Variants in DDX20 observed in about 807,000 individuals in gnomAD.
The protein encoded by DDX20 is DEAD-box helicase 20.
DDX20 carries 61 observed loss-of-function variants against 76.4 expected under a neutral mutation model. The ratio of observed to expected loss-of-function variants is 0.80; its 90% CI spans 0.65 to 0.99. The LOEUF (loss-of-function observed/expected upper bound fraction) is 0.99, where lower values mean the gene tolerates loss of function less well. Among genes scored for constraint, DDX20 ranks in the 50% least tolerant of loss-of-function variants. The probability of loss-of-function intolerance (pLI) is 0.00; values close to 1 mark genes in which losing one functional copy is unlikely to be tolerated. For missense variants in DDX20, 976 were observed against 996.8 expected, an observed-to-expected ratio of 0.98 and a Z score of 0.28; for synonymous variants, 357 against 357.4, an observed-to-expected ratio of 1.00 and a Z score of 0.01.
rs374794942 is a variant in DDX20, at chr1:111,761,190, T to G, written c.963-36T>G. On this transcript the variant is annotated intron_variant, in intron 6 of 10. Coordinates refer to ENST00000369702, the MANE Select transcript of DDX20 (RefSeq NM_007204.5). ...TAAAAGGATAGTCATGGGGCAATAT[T>G]TGTAAATTTGTAACCATTTATGTTA... 1.9e-6 allele frequency: 3 copies of G among 1,611,418 alleles called. No individual in the cohort carries two copies. The African/African-American group carries it at 4.0e-5, about 22-fold the overall frequency.
intron 10 of DDX20, among the ~76,000 whole-genome samples, chr1:111,764,411 A>G (rs140038199): frequency 6.6e-6 from 1 of 152,390 alleles, no homozygotes; most frequent in East Asian, 1.9e-4. Context: ...GAGCTAGATT[A>G]AGCACAGATC....
At chr1:111,765,288 G>T (rs2101425559) in intron 10 of DDX20, among the ~76,000 whole-genome samples, 1 of 152,286 alleles carries the variant, frequency 6.6e-6, no homozygotes, top group Non-Finnish European at 1.5e-5. Flanking sequence ...TTGGAATATT[G>T]GGTGACAGAT....
At chr1:111,765,466 C>T (rs980602122) in intron 10 of DDX20, among the ~76,000 whole-genome samples, 1 of 152,108 alleles carries the variant, frequency 6.6e-6, no homozygotes, top group Non-Finnish European at 1.5e-5. Flanking sequence ...CAGGCTTGTA[C>T]ATTACTCCTA....
chr1:111,759,147 G>A (rs1663621133), intron 2 of DDX20, among the ~76,000 whole-genome samples: 1 of 152,146 alleles, frequency 6.6e-6, no homozygotes, highest in Non-Finnish European at 1.5e-5. Flanking sequence ...TATGTGGGAG[G>A]ATGTACACAG....
intron 10 of DDX20, among the ~76,000 whole-genome samples, chr1:111,765,234 A>G (rs1663754416): frequency 1.3e-5 from 2 of 152,174 alleles, no homozygotes; most frequent in East Asian, 1.9e-4. Context: ...TTTTTCCCCT[A>G]TAGAGGTTTT....
At position 111,766,563 on chromosome 1, in the gene DDX20, A is replaced by G; in HGVS notation, c.2139A>G (p.Glu713=). ...CCCCCAATCCAGAGAAATATCAAGA[A>G]TCACCTGGAATCCAGATGAAGACAA... is the stretch of plus-strand genomic sequence containing the variant. ...SDTPNPEKYQ[E]SPGIQMKTRL... is the part of the protein sequence containing the mutation. The change falls in exon 11 of 11, where the codon GAA becomes GAG. Residue 713 remains glutamate (E), a synonymous_variant. Transcript: ENST00000369702. The G allele has an allele frequency of 6.2e-7, 1 of 1,614,188 alleles. No homozygotes were observed. The highest frequency in any genetic ancestry group is 8.5e-7 in the Non-Finnish European group (1 of 1,180,008).
At chr1:111,761,459 C>T (rs1231796474) in intron 7 of DDX20, 175 bp downstream of exon 7, 3 of 550,244 alleles carry the variant, frequency 5.5e-6, no homozygotes, top group Non-Finnish European at 9.4e-6. Context: ...TGTCAATATT[C>T]TATTTTTAAG....
At position 111,761,267 on chromosome 1, in the gene DDX20, C is replaced by T. The variant is rs372217363; in HGVS notation, c.1004C>T (p.Pro335Leu). The T allele has an allele frequency of 1.8e-5, 29 of 1,613,090 alleles. No homozygotes were observed. The highest frequency in any genetic ancestry group is 2.3e-5 in the Non-Finnish European group (27 of 1,179,540). The change falls in exon 7 of 11, where the codon CCT becomes CTT. Residue 335 changes from proline to leucine, a missense_variant. Coordinates refer to ENST00000369702, the MANE Select transcript of DDX20 (RefSeq NM_007204.5). Reference sequence around the variant, plus strand: ...GATATCCTTTCTTCTAAAGGCTTTCCTGCTGAGTGCATTTCAGGTAAGTTC... The same window carrying T: ...GATATCCTTTCTTCTAAAGGCTTTCTTGCTGAGTGCATTTCAGGTAAGTTC... ...LADILSSKGFPAECISGNMNQ... is the reference protein window; with the variant it reads ...LADILSSKGFLAECISGNMNQ...
In DDX20 at chr1:111,755,932, C is replaced by T. The variant is rs752387882; in HGVS notation, c.8C>T (p.Ala3Val). The T allele has an allele frequency of 2.5e-6, 4 of 1,572,452 alleles. No homozygotes were observed. The South Asian group carries it at 3.5e-5, about 14-fold the overall frequency. The change falls in exon 1 of 11, where the codon GCG becomes GTG. Residue 3 changes from alanine to valine, a missense_variant. This residue lies in a region of DDX20 where 343 missense variants were observed against 286.4 expected (regional missense o/e 1.20). Transcript: ENST00000369702. MA[A>V]AFEASGALAA... ...TCTGACGGCGCGGCTACCATGGCGG[C>T]GGCATTTGAAGCCTCGGGAGCCTTA... is the stretch of plus-strand genomic sequence containing the variant.
In DDX20 at chr1:111,767,263, ATAT is replaced by A. The variant is rs1557924829; in HGVS notation, c.*369_*371del. 5 of 170,864 alleles carry A rather than the reference ATAT, an allele frequency of 2.9e-5. No individual in the cohort carries two copies. Among genetic ancestry groups the A allele is most frequent in the East Asian group, 1.6e-4 (1 of 6,378 alleles). The allele number at this position is 170,864 out of a possible 1,614,324, so 10.6% of individuals were successfully genotyped here. ...ATAAAAGCAATAGATTTGATTAGTAATATTATTGCTGTGGAGTTCTTTACAAAG... is the reference window on the plus strand; with the variant it reads ...ATAAAAGCAATAGATTTGATTAGTAATATTGCTGTGGAGTTCTTTACAAAG... On this transcript the variant is annotated 3_prime_UTR_variant, in exon 11 of 11. Coordinates refer to ENST00000369702, the MANE Select transcript of DDX20 (RefSeq NM_007204.5).
At position 111,759,508 on chromosome 1, in the gene DDX20, A is replaced by AC; in HGVS notation, c.509dup (p.Leu171IlefsTer9). On this transcript the variant is annotated frameshift_variant, in exon 3 of 11. Transcript: ENST00000369702. LOFTEE classifies it high-confidence loss of function. ...AGAGTGTCATGTCTTTATTGGAGGG[A>AC]CCCCATTATCACAAGACAAAACCAG... The AC allele has an allele frequency of 6.2e-7, 1 of 1,613,914 alleles. No individual in the cohort carries two copies. The highest frequency in any genetic ancestry group is 1.7e-5 in the Admixed American group (1 of 60,006).
At position 111,755,935 on chromosome 1, in the gene DDX20, C is replaced by A. The variant is rs1663533826; in HGVS notation, c.11C>A (p.Ala4Glu). 2 of 1,574,814 alleles carry A rather than the reference C, an allele frequency of 1.3e-6. No homozygotes were observed. The highest frequency in any genetic ancestry group is 8.6e-7 in the Non-Finnish European group (1 of 1,156,092). Residue 4 changes from alanine (A) to glutamate (E), a missense_variant, in exon 1 of 11, where the codon GCA (alanine) becomes GAA (glutamate). Physicochemically the swap from Ala to Glu is moderately radical, Grantham distance 107 (BLOSUM62 -1). Coordinates refer to ENST00000369702, the MANE Select transcript of DDX20 (RefSeq NM_007204.5). ...GACGGCGCGGCTACCATGGCGGCGG[C>A]ATTTGAAGCCTCGGGAGCCTTAGCA... The part of the protein sequence containing the change: MAA[A>E]FEASGALAAV...
rs1442366771 is a variant in DDX20, at chr1:111,765,870, C to T, written c.1446C>T (p.Thr482=). Residue 482 remains threonine (T), a synonymous_variant, in exon 11 of 11, where the codon ACC becomes ACT. Coordinates refer to ENST00000369702, the MANE Select transcript of DDX20 (RefSeq NM_007204.5). ...LKKQIQKIER[T]LQIQKAHGDH... ...AGCAAATTCAGAAAATAGAGAGAACCCTTCAAATTCAGAAAGCTCATGGTG... is the reference window on the plus strand; with the variant it reads ...AGCAAATTCAGAAAATAGAGAGAACTCTTCAAATTCAGAAAGCTCATGGTG... The T allele has an allele frequency of 2.5e-6, 4 of 1,613,942 alleles. No individual in the cohort carries two copies. Among genetic ancestry groups the T allele is most frequent in the Non-Finnish European group, 2.5e-6 (3 of 1,179,984 alleles).
rs137956268 is a variant in DDX20 at position 111,762,601 on chromosome 1, G to T, written c.1105-76G>T. ...CTTAATTTGTCTCTTGACTGTACTGGAAGAATATAATATGCATTGGTATCC... is the reference window on the plus strand; with the variant it reads ...CTTAATTTGTCTCTTGACTGTACTGTAAGAATATAATATGCATTGGTATCC... On this transcript the variant is annotated intron_variant, in intron 8 of 10. Transcript: ENST00000369702. The T allele has an allele frequency of 1.1e-3, 1,369 of 1,277,042 alleles. 17 individuals are homozygous for T. The African/African-American group carries it at 0.017, about 16-fold the overall frequency. 79.1% of individuals were successfully genotyped at this position (1,277,042 alleles called of 1,614,324 possible).
At chr1:111,757,663 T>C (rs1381201310) in intron 2 of DDX20, among the ~76,000 whole-genome samples, 5 of 152,226 alleles carry the variant, frequency 3.3e-5, no homozygotes, top group African/African-American at 1.2e-4. Flanking sequence ...TTAACCCAGA[T>C]ATCCATGTTC....
At chr1:111,762,119 CAGA>C (rs1663686527) in intron 7 of DDX20, 133 bp from the exon 8 acceptor site, 1 of 611,184 alleles carries the variant, frequency 1.6e-6, no homozygotes, top group African/African-American at 1.9e-5. Context: ...TAGATTTGCA[CAGA>C]AGGACAGAAT....
rs538821511 is a variant in DDX20, at chr1:111,762,955, TATG to T, written c.1268_1270del (p.Met423del). On this transcript the variant is annotated inframe_deletion, in exon 10 of 11. Transcript: ENST00000369702. ...ACTGTTGCCGGGGAGAGGAAGAAAA[TATG>T]ATGATGAGAATTGCCCAGAAATGTA... The T allele has an allele frequency of 3.4e-3, 5,445 of 1,613,950 alleles. 19 individuals are homozygous for T. Among genetic ancestry groups the T allele is most frequent in the Non-Finnish European group, 4.1e-3 (4,804 of 1,179,924 alleles).
intron 1 of DDX20, among the ~76,000 whole-genome samples, 192 bp downstream of exon 1, chr1:111,756,417 G>A (rs914437888): frequency 1.3e-5 from 2 of 152,244 alleles, no homozygotes; most frequent in Non-Finnish European, 1.5e-5. Flanking sequence ...TGAACTTGAG[G>A]ATAGTTAAGA....
chr1:111,756,124 T>TGAAA lies in DDX20; in HGVS notation c.201_202insAAAG (p.Leu68LysfsTer41). ...GCGGAGCCGGCCGACTTCGAGTCAC[T>TGAAA]GCTGCTTTCGCGGCCGGTGCTGGAG... On this transcript the variant is annotated frameshift_variant, in exon 1 of 11. Transcript: ENST00000369702. LOFTEE classifies it high-confidence loss of function. The TGAAA allele has an allele frequency of 6.3e-7, 1 of 1,592,204 alleles. No individual in the cohort carries two copies.
Sources: allele counts gnomAD v4.1 joint callset (sites outside exome capture counted in the v4.1 genomes callset), GRCh38; gene constraint gnomAD v4.1.1; regional missense constraint gnomAD v4.1.1; transcripts MANE v1.5; gene names NCBI Gene and HGNC (gene_info 2026-07-23, HGNC 2026-07-21).